TEAD3: variants seen among roughly 807,000 people sequenced by gnomAD.
TEAD3 encodes transcriptional enhancer factor TEF-5.
Under a neutral mutation model 55.6 loss-of-function variants are expected in TEAD3, and 15 were observed. That is an observed-to-expected ratio of 0.27 (90% CI 0.18 to 0.42). TEAD3 has a LOEUF of 0.42. TEAD3 is among the 10% of genes least tolerant of loss of function. The pLI is 1.00. For missense variants in TEAD3, 407 were observed against 576.8 expected (o/e 0.71, Z 3.01); for synonymous variants, 210 against 232.2 (o/e 0.90, Z 0.87).
chr6:35,480,147 A>G (rs1463295744), intron 3 of TEAD3, 165 bp downstream of exon 4: 2 of 1,549,000 alleles, frequency 1.3e-6, no homozygotes, highest in African/African-American at 1.4e-5. Flanking sequence ...AGAAAGAGAA[A>G]AAGAACAGAA....
In TEAD3 at chr6:35,483,766, G is replaced by T. The variant is rs1768310695; in HGVS notation, c.267+794C>A. On this transcript the variant is annotated intron_variant, in intron 3 of 12. Coordinates refer to ENST00000639578, the Ensembl canonical transcript of TEAD3. This position sits in a 1 kb window ranked among gnomAD's most constrained non-coding sequence, Gnocchi z 4.5. ...CTCCTGCTGAGTGTCCCCTACCCCA[G>T]CAGTCCCCACCCTCCCTCCACCACA... 6.6e-6 allele frequency among the ~76,000 whole-genome samples: 1 copy of T among 151,980 alleles called. No individual in the cohort carries two copies. Among genetic ancestry groups the T allele is most frequent in the African/African-American group, 2.4e-5 (1 of 41,358 alleles).
intron 4 of TEAD3, chr6:35,479,943 G>A: frequency 1.1e-6 from 1 of 870,960 alleles, no homozygotes; most frequent in Non-Finnish European, 1.6e-6. Context: ...TTTCTTTCTG[G>A]ACCCCCTCAC....
chr6:35,481,237 G>A (rs1457939882), intron 3 of TEAD3, among the ~76,000 whole-genome samples: 3 of 152,064 alleles, frequency 2.0e-5, no homozygotes, highest in Non-Finnish European at 4.4e-5. Flanking sequence ...TGGGCTGTGT[G>A]CCCAGCTGAC....
At chr6:35,476,202 C>G in intron 9 of TEAD3, 100 bp downstream of exon 9, 1 of 1,551,948 alleles carries the variant, frequency 6.4e-7, no homozygotes, top group African/African-American at 1.4e-5. Context: ...CCTGAACAGG[C>G]CAGACCCCCA....
chr6:35,480,041 G>C, intron 4 of TEAD3: 8 of 1,492,132 alleles, frequency 5.4e-6, no homozygotes, highest in Non-Finnish European at 7.2e-6. Flanking sequence ...GGCCAGGCCA[G>C]GTGGCAGGGG....
In TEAD3 at chr6:35,485,646, T is replaced by C. The variant is rs752184636; in HGVS notation, c.202+815A>G. Among the ~76,000 whole-genome samples the C allele has an allele frequency of 4.6e-5, 7 of 151,788 alleles. No individual in the cohort carries two copies. Among genetic ancestry groups the C allele is most frequent in the African/African-American group, 1.7e-4 (7 of 41,340 alleles). Reference sequence around the variant, plus strand: ...GGCTCCCCAGCCTGGGAGGCAGCAGTGGGGGCAGACAGCACCCACCCTGTG... The same window carrying C: ...GGCTCCCCAGCCTGGGAGGCAGCAGCGGGGGCAGACAGCACCCACCCTGTG... On this transcript the variant is annotated intron_variant, in intron 2 of 12. Coordinates refer to ENST00000639578, the Ensembl canonical transcript of TEAD3. This position sits in a 1 kb window ranked among gnomAD's most constrained non-coding sequence, Gnocchi z 4.3.
chr6:35,485,126 C>G lies in TEAD3; in HGVS notation c.203-502G>C, dbSNP rs368839182. Among the ~76,000 whole-genome samples the G allele has an allele frequency of 6.6e-6, 1 of 152,188 alleles. No individual in the cohort carries two copies. Among genetic ancestry groups the G allele is most frequent in the East Asian group, 1.9e-4 (1 of 5,204 alleles). Reference sequence around the variant, plus strand: ...TGTCCTGCCCTTGCTCTGTCTTTACCCTGGTCAAGTCCCTTCCCTTCTCTG... The same window carrying G: ...TGTCCTGCCCTTGCTCTGTCTTTACGCTGGTCAAGTCCCTTCCCTTCTCTG... On this transcript the variant is annotated intron_variant, in intron 2 of 12. Transcript: ENST00000639578. This position sits in a 1 kb window ranked among gnomAD's most constrained non-coding sequence, Gnocchi z 4.3.
At chr6:35,479,612 C>T (rs1768226862) in intron 4 of TEAD3, among the ~76,000 whole-genome samples, 1 of 152,214 alleles carries the variant, frequency 6.6e-6, no homozygotes, top group South Asian at 2.1e-4. Flanking sequence ...CTCTGCTGCA[C>T]CGCTGTGGGC....
chr6:35,490,497 C>T (rs1329394484), intron 1 of TEAD3, among the ~76,000 whole-genome samples: 1 of 152,230 alleles, frequency 6.6e-6, no homozygotes, highest in South Asian at 2.1e-4. Context: ...ACTCCCCACA[C>T]ACAGCCATGC....
chr6:35,495,195 C>T (rs556729770), intron 1 of TEAD3, among the ~76,000 whole-genome samples: 1 of 152,342 alleles, frequency 6.6e-6, no homozygotes, highest in East Asian at 1.9e-4. Flanking sequence ...GATATCTTCT[C>T]CTTTGATATT....
At chr6:35,487,357 G>A (rs1768407440) in intron 1 of TEAD3, among the ~76,000 whole-genome samples, 1 of 152,058 alleles carries the variant, frequency 6.6e-6, no homozygotes, top group Admixed American at 6.6e-5. Flanking sequence ...TTTGAGACCA[G>A]ACTGACCAAC....
chr6:35,488,585 C>T lies in TEAD3; in HGVS notation c.-49-1874G>A, dbSNP rs562920451. Among the ~76,000 whole-genome samples the T allele has an allele frequency of 6.6e-5, 10 of 151,968 alleles. No homozygotes were observed. The highest frequency in any genetic ancestry group is 1.2e-4 in the African/African-American group (5 of 41,356). On this transcript the variant is annotated intron_variant, in intron 1 of 12. Coordinates refer to ENST00000639578, the Ensembl canonical transcript of TEAD3. The surrounding 1 kb of genome is among the most constrained non-coding windows in gnomAD (Gnocchi z 4.2). ...GAATTCCAGGTCCTGCTGCTTGAGT[C>T]GGGGTGGACTCTCTCTGCAGAGCCA... is the stretch of plus-strand genomic sequence containing the variant.
chr6:35,492,133 G>A (rs1768534949), intron 1 of TEAD3, among the ~76,000 whole-genome samples: 2 of 152,208 alleles, frequency 1.3e-5, no homozygotes, highest in Admixed American at 6.5e-5. Context: ...ACCCCTGCAG[G>A]GACCCCAGCC....
rs1339661407 is a variant in TEAD3 at position 35,488,335 on chromosome 6, C to T, written c.-49-1624G>A. Among the ~76,000 whole-genome samples, 1 of 152,104 alleles carries T rather than the reference C, an allele frequency of 6.6e-6. No homozygotes were observed. The highest frequency in any genetic ancestry group is 1.9e-4 in the East Asian group (1 of 5,182). The stretch of plus-strand genomic sequence containing the variant: ...TAAACTGTGAGTGCCCTGAACCTGC[C>T]AGGCTATTAATTTGGACCACACCCC... On this transcript the variant is annotated intron_variant, in intron 1 of 12. Transcript: ENST00000639578. This position sits in a 1 kb window ranked among gnomAD's most constrained non-coding sequence, Gnocchi z 4.2.
At position 35,486,603 on chromosome 6, in the gene TEAD3, G is replaced by T; in HGVS notation, c.60C>A (p.Pro20=). The stretch of plus-strand genomic sequence containing the variant: ...TGTCCAGCCCCTTGTCCAGGCCCTC[G>T]GGCCCATCCTCCCGGGCCTCCCCGG... The change falls in exon 2 of 13, where the codon CCC becomes CCA. Residue 20 remains proline (P), a synonymous_variant. Transcript: ENST00000639578. This position sits in a 1 kb window ranked among gnomAD's most constrained non-coding sequence, Gnocchi z 7.3. The T allele has an allele frequency of 6.2e-7, 1 of 1,613,354 alleles. No individual in the cohort carries two copies. The highest frequency in any genetic ancestry group is 1.3e-5 in the African/African-American group (1 of 75,056).
rs1168031986 is a variant in TEAD3 at position 35,485,601 on chromosome 6, T to C, written c.202+860A>G. ...CCTCTCCACCCCACTCTCTCCACCC[T>C]GTCTAAAAATACCCTGTGGGGCTCC... On this transcript the variant is annotated intron_variant, in intron 2 of 12. Coordinates refer to ENST00000639578, the Ensembl canonical transcript of TEAD3. This position sits in a 1 kb window ranked among gnomAD's most constrained non-coding sequence, Gnocchi z 4.3. Among the ~76,000 whole-genome samples, 3 of 152,098 alleles carry C rather than the reference T, an allele frequency of 2.0e-5. No homozygotes were observed.
In TEAD3 at chr6:35,484,051, T is replaced by TA. The variant is rs1768317225; in HGVS notation, c.267+508dup. The stretch of plus-strand genomic sequence containing the variant: ...TGCCTTGCGAACTCCCATTCCTTCT[T>TA]AAAAATATATCCCGAGTGTCACCTC... On this transcript the variant is annotated intron_variant, in intron 3 of 12. Coordinates refer to ENST00000639578, the Ensembl canonical transcript of TEAD3. The surrounding 1 kb of genome is among the most constrained non-coding windows in gnomAD (Gnocchi z 5.8). Among the ~76,000 whole-genome samples the TA allele has an allele frequency of 6.6e-6, 1 of 152,116 alleles. No individual in the cohort carries two copies.
At chr6:35,493,079 T>C (rs1045591725) in intron 1 of TEAD3, among the ~76,000 whole-genome samples, 7 of 152,084 alleles carry the variant, frequency 4.6e-5, no homozygotes, top group South Asian at 4.1e-4. Flanking sequence ...TAAGAACAAA[T>C]AGGTTTCCTC....
Position 35,485,804 on chromosome 6 carries a change from A to C in TEAD3, c.202+657T>G, listed in dbSNP as rs1333043744. Among the ~76,000 whole-genome samples, 1 of 152,118 alleles carries C rather than the reference A, an allele frequency of 6.6e-6. No homozygotes were observed. The highest frequency in any genetic ancestry group is 1.5e-5 in the Non-Finnish European group (1 of 67,998). On this transcript the variant is annotated intron_variant, in intron 2 of 12. Coordinates refer to ENST00000639578, the Ensembl canonical transcript of TEAD3. The surrounding 1 kb of genome is among the most constrained non-coding windows in gnomAD (Gnocchi z 4.3). ...GGGAAGGGCTGGGCCTGCCTCGCTCAGCCACGGGCTGCTGGGAGGAATAGG... is the reference window on the plus strand; with the variant it reads ...GGGAAGGGCTGGGCCTGCCTCGCTCCGCCACGGGCTGCTGGGAGGAATAGG...
Sources: allele counts gnomAD v4.1 joint callset (sites outside exome capture counted in the v4.1 genomes callset), GRCh38; gene constraint gnomAD v4.1.1; non-coding constraint Gnocchi (gnomAD v3.1); transcripts MANE v1.5; gene names NCBI Gene and HGNC (gene_info 2026-07-23, HGNC 2026-07-21).